The following BCAS1 variants were observed in gnomAD, a reference collection of about 807,000 sequenced individuals.
BCAS1 encodes the protein brain enriched myelin associated protein 1, also known as breast carcinoma-amplified sequence 1.
Under a neutral mutation model 65.4 loss-of-function variants are expected in BCAS1, and 46 were observed. The observed-to-expected ratio is 0.70, with a 90% CI of 0.55 to 0.90. BCAS1 has a LOEUF of 0.90. Ranked by LOEUF, BCAS1 falls within the 40% of genes least tolerant of loss-of-function variation. BCAS1 has a pLI of 0.00. For missense variants in BCAS1, 793 were observed against 771.2 expected, an observed-to-expected ratio of 1.03 and a Z score of -0.33; for synonymous variants, 298 against 293.5, an observed-to-expected ratio of 1.02 and a Z score of -0.16.
chr20:54,045,036 C>A (rs1421350255), intron 3 of BCAS1, among the ~76,000 whole-genome samples: 1 of 151,602 alleles, frequency 6.6e-6, no homozygotes, highest in African/African-American at 2.4e-5. Context: ...CAAAGGGAGA[C>A]CTCATCTTTA....
In BCAS1 at chr20:54,028,593, T is replaced by G. The variant is rs577997366; in HGVS notation, c.522A>C (p.Pro174=). The part of the protein sequence containing the change: ...LSAARDPTLL[P]PETGGAGGEA... ...CTCCTCCTGCTCCCCCTGTCTCAGGTGGGAGAAGCGTGGGATCCCTGGCGG... is the reference window on the plus strand; with the variant it reads ...CTCCTCCTGCTCCCCCTGTCTCAGGGGGGAGAAGCGTGGGATCCCTGGCGG... Residue 174 remains proline, a synonymous_variant, in exon 4 of 13, where the codon CCA becomes CCC. Transcript: ENST00000688948. 6.2e-7 allele frequency: 1 copy of G among 1,614,160 alleles called. No individual in the cohort carries two copies. The highest frequency in any genetic ancestry group is 1.3e-5 in the African/African-American group (1 of 75,046).
intron 10 of BCAS1, among the ~76,000 whole-genome samples, chr20:53,963,422 A>C (rs1436979805): frequency 6.6e-6 from 1 of 151,988 alleles, no homozygotes; most frequent in East Asian, 2.0e-4. Flanking sequence ...CAGAGGTTGC[A>C]GCGGGCAGAG....
chr20:53,952,484 A>G (rs2089559134), intron 12 of BCAS1, among the ~76,000 whole-genome samples: 1 of 152,212 alleles, frequency 6.6e-6, no homozygotes, highest in Non-Finnish European at 1.5e-5. Context: ...GAGTAACACA[A>G]TTGTGCATTT....
chr20:53,955,289 C>T (rs1255261545), intron 11 of BCAS1, among the ~76,000 whole-genome samples: 1 of 152,200 alleles, frequency 6.6e-6, no homozygotes, highest in Non-Finnish European at 1.5e-5. Context: ...TCCAGTGTAC[C>T]TTGAGAAGCT....
intron 4 of BCAS1, among the ~76,000 whole-genome samples, chr20:54,007,881 A>G (rs966863761): frequency 3.9e-5 from 6 of 152,214 alleles, no homozygotes; most frequent in African/African-American, 1.2e-4. Context: ...AAAGGTGGAG[A>G]AGAGAAGGCA....
chr20:54,020,264 G>A (rs1374147673), intron 4 of BCAS1, among the ~76,000 whole-genome samples: 1 of 152,120 alleles, frequency 6.6e-6, no homozygotes, highest in African/African-American at 2.4e-5. Flanking sequence ...TACAACTTCT[G>A]AGGGGGCGAG....
At chr20:54,047,987 G>T (rs1207805739) in intron 3 of BCAS1, among the ~76,000 whole-genome samples, 1 of 152,178 alleles carries the variant, frequency 6.6e-6, no homozygotes, top group East Asian at 1.9e-4. Context: ...CTGAAGTGCA[G>T]TTACATCCAT....
At chr20:54,044,192 G>A (rs1352981722) in intron 3 of BCAS1, among the ~76,000 whole-genome samples, 1 of 152,166 alleles carries the variant, frequency 6.6e-6, no homozygotes, top group Non-Finnish European at 1.5e-5. Context: ...AGAATTGAGT[G>A]CAGCTGTTGT....
intron 6 of BCAS1, among the ~76,000 whole-genome samples, chr20:53,993,170 G>A (rs926308053): frequency 1.3e-5 from 2 of 152,092 alleles, no homozygotes; most frequent in Non-Finnish European, 2.9e-5. Flanking sequence ...CTTCTAGATG[G>A]GTAGACCCCC....
intron 4 of BCAS1, among the ~76,000 whole-genome samples, chr20:54,009,203 G>T (rs1480134083): frequency 6.6e-6 from 1 of 152,108 alleles, no homozygotes; most frequent in Non-Finnish European, 1.5e-5. Context: ...GAAAGCCCCA[G>T]CAAAGAAATA....
intron 8 of BCAS1, among the ~76,000 whole-genome samples, chr20:53,981,221 A>G (rs2090468959): frequency 6.6e-6 from 1 of 152,234 alleles, no homozygotes; most frequent in African/African-American, 2.4e-5. Context: ...ACTTCACAGT[A>G]GCCCTAAGAC....
At chr20:53,992,429 A>G (rs2090784224) in intron 7 of BCAS1, 83 bp downstream of exon 7, 1 of 1,175,286 alleles carries the variant, frequency 8.5e-7, no homozygotes, top group African/African-American at 1.6e-5. Context: ...TTTACTGGAG[A>G]GGAGCTGGGT....
intron 7 of BCAS1, among the ~76,000 whole-genome samples, chr20:53,986,270 G>GTC (rs1451681595): frequency 2.7e-5 from 4 of 150,656 alleles, no homozygotes; most frequent in Non-Finnish European, 5.9e-5. Context: ...CTCTCTTTCT[G>GTC]TCTCTCTCTC....
intron 3 of BCAS1, among the ~76,000 whole-genome samples, chr20:54,040,920 G>A (rs1350957443): frequency 1.3e-5 from 2 of 151,240 alleles, no homozygotes; most frequent in Non-Finnish European, 3.0e-5. Context: ...TAGCTGAAAA[G>A]TGGAAACAAC....
intron 4 of BCAS1, among the ~76,000 whole-genome samples, chr20:54,012,905 C>T (rs960024004): frequency 6.6e-6 from 1 of 152,212 alleles, no homozygotes; most frequent in African/African-American, 2.4e-5. Context: ...TTTTTCAGTG[C>T]TGTGCTGCAC....
intron 10 of BCAS1, among the ~76,000 whole-genome samples, chr20:53,959,239 C>T (rs1600709824): frequency 2.0e-5 from 3 of 151,688 alleles, no homozygotes; most frequent in African/African-American, 7.3e-5. Flanking sequence ...TACAGGTGTA[C>T]ACCACCATGT....
At chr20:53,996,192 G>A (rs935671182) in intron 4 of BCAS1, 142 bp from the exon 5 acceptor site, 5 of 761,174 alleles carry the variant, frequency 6.6e-6, no homozygotes, top group Non-Finnish European at 9.9e-6. Context: ...ACAATCATGA[G>A]ATTATAAGAG....
In BCAS1 at chr20:54,065,488, C is replaced by T. The variant is rs142440553; in HGVS notation, c.-6+4945G>A. On this transcript the variant is annotated intron_variant, in intron 1 of 12. Transcript: ENST00000688948. The stretch of plus-strand genomic sequence containing the variant: ...GCTTTGGGGGGCGTGCACTGGTATC[C>T]GGTGGGTAGAGGCTGGGGACGCTGC... 3.6e-3 allele frequency among the ~76,000 whole-genome samples: 549 copies of T among 152,220 alleles called. 1 individual carries two copies. The highest frequency in any genetic ancestry group is 0.013 in the African/African-American group (522 of 41,534).
intron 12 of BCAS1, among the ~76,000 whole-genome samples, chr20:53,945,619 A>G (rs2089289362): frequency 6.6e-6 from 1 of 152,024 alleles, no homozygotes. Context: ...TGATCTTATT[A>G]TCTAATTTAT....
Sources: gnomAD v4.1 joint callset for allele counts (sites outside exome capture counted in the v4.1 genomes callset) on GRCh38, gnomAD v4.1.1 for gene constraint, MANE v1.5 for transcripts, NCBI Gene and HGNC (gene_info 2026-07-23, HGNC 2026-07-21) for gene names.